The following RABIF variants were observed in gnomAD, a reference collection of about 807,000 sequenced individuals.
The protein encoded by RABIF is RAB interacting factor, also known as guanine nucleotide exchange factor MSS4.
In RABIF, 13 loss-of-function variants were observed where a neutral mutation model predicts 12.3. That is an observed-to-expected ratio of 1.06 (90% CI 0.69 to 1.68). The LOEUF is 1.68. Among genes scored for constraint, RABIF ranks in the 40% most tolerant of loss-of-function variants. The probability of loss-of-function intolerance (pLI) is 0.00; values close to 1 mark genes in which losing one functional copy is unlikely to be tolerated. For synonymous variants in RABIF, 70 were observed against 63.3 expected (o/e 1.11, Z -0.50); for missense variants, 153 against 158.0 (o/e 0.97, Z 0.17).
At chr1:202,886,366 T>C (rs376702884) in intron 1 of RABIF, among the ~76,000 whole-genome samples, 1 of 149,126 alleles carries the variant, frequency 6.7e-6, no homozygotes, top group East Asian at 2.0e-4. Context: ...GGGCAGAAGG[T>C]AGGTCCTGCC....
Position 202,882,043 on chromosome 1 carries a change from G to A in RABIF, c.127-820C>T, listed in dbSNP as rs538586190. Among the ~76,000 whole-genome samples, 174 of 152,292 alleles carry A rather than the reference G, an allele frequency of 1.1e-3. 2 individuals are homozygous for A. The highest frequency in any genetic ancestry group is 1.7e-3 in the Non-Finnish European group (116 of 68,030). ...ACATATTTTAAATGCACATTAGCTT[G>A]GGCAACATAATGAGACCTAGTCTCT... On this transcript the variant is annotated intron_variant, in intron 1 of 1. Coordinates refer to ENST00000367262, the MANE Select transcript of RABIF (RefSeq NM_002871.5).
intron 1 of RABIF, among the ~76,000 whole-genome samples, chr1:202,881,461 G>A (rs1304037626): frequency 2.0e-5 from 3 of 152,070 alleles, no homozygotes; most frequent in Non-Finnish European, 1.5e-5. Flanking sequence ...GAGTGCAGTG[G>A]CGCGATCTCA....
Position 202,879,172 on chromosome 1 carries a change from TTGTTGTTAC to T in RABIF, c.*1797_*1805del, listed in dbSNP as rs1659452602. The T allele has an allele frequency of 1.3e-5, 2 of 152,334 alleles. No individual in the cohort carries two copies. Among genetic ancestry groups the T allele is most frequent in the South Asian group, 4.1e-4 (2 of 4,830 alleles). 9.4% of individuals were successfully genotyped at this position (152,334 alleles called of 1,614,324 possible). A position where few individuals can be genotyped will look rare whatever the true frequency, so the allele number is the denominator to read the frequency against. On this transcript the variant is annotated 3_prime_UTR_variant, in exon 2 of 2. Transcript: ENST00000367262. ...CCTATTCAAGTCGCTATATATTTTT[TTGTTGTTAC>T]TGTTGTTGTTTGTTTGAGACAGGGT...
chr1:202,886,403 T>C (rs1472930013), intron 1 of RABIF, among the ~76,000 whole-genome samples: 1 of 151,684 alleles, frequency 6.6e-6, no homozygotes, highest in Non-Finnish European at 1.5e-5. Context: ...CTGGCCAACA[T>C]GCTGAAACCC....
At chr1:202,885,484 C>T (rs1659548380) in intron 1 of RABIF, among the ~76,000 whole-genome samples, 1 of 152,232 alleles carries the variant, frequency 6.6e-6, no homozygotes, top group Non-Finnish European at 1.5e-5. Context: ...GCTCCTTTAA[C>T]ACCTGCAGAG....
rs1659446918 is a variant in RABIF at position 202,878,799 on chromosome 1, C to T, written c.*2179G>A. On this transcript the variant is annotated 3_prime_UTR_variant, in exon 2 of 2. Transcript: ENST00000367262. ...CTGATTCACAAGTATGTACTGAGAG[C>T]CTATTAGGTGTGAGGGAAATGAAGA... Among the ~76,000 whole-genome samples the T allele has an allele frequency of 1.3e-5, 2 of 152,288 alleles. No individual in the cohort carries two copies. The highest frequency in any genetic ancestry group is 2.1e-4 in the South Asian group (1 of 4,822).
chr1:202,884,298 TA>T (rs1659529523), intron 1 of RABIF, among the ~76,000 whole-genome samples: 1 of 152,232 alleles, frequency 6.6e-6, no homozygotes, highest in Non-Finnish European at 1.5e-5. Flanking sequence ...CAGATGAGAA[TA>T]AAAACTGCTA....
In RABIF at chr1:202,889,021, G is replaced by A. The variant is rs780851327; in HGVS notation, c.78C>T (p.Cys26=). Residue 26 remains cysteine (C), a synonymous_variant, in exon 1 of 2, where the codon TGC becomes TGT. Transcript: ENST00000367262. ...RNRKAVLCQR[C]GSRVLQPGTA... is the part of the protein sequence containing the mutation. ...TCCCTGGCTGCAGCACCCGGGAGCCGCAACGCTGGCACAGCACCGCCTTCC... is the reference window on the plus strand; with the variant it reads ...TCCCTGGCTGCAGCACCCGGGAGCCACAACGCTGGCACAGCACCGCCTTCC... The A allele has an allele frequency of 2.2e-5, 35 of 1,603,236 alleles. No individual in the cohort carries two copies. Among genetic ancestry groups the A allele is most frequent in the Middle Eastern group, 1.7e-4 (1 of 6,004 alleles).
intron 1 of RABIF, among the ~76,000 whole-genome samples, chr1:202,887,247 A>G (rs981601449): frequency 6.6e-6 from 1 of 151,900 alleles, no homozygotes; most frequent in South Asian, 2.1e-4. Context: ...TCTTCATTTT[A>G]CAAGCTTGTC....
chr1:202,882,767 C>T (rs554669722), intron 1 of RABIF, among the ~76,000 whole-genome samples: 1 of 152,088 alleles, frequency 6.6e-6, no homozygotes, highest in African/African-American at 2.4e-5. Context: ...AATATCAGCT[C>T]CTGGAAAGCA....
chr1:202,881,566 T>A (rs1203964358), intron 1 of RABIF, among the ~76,000 whole-genome samples: 1 of 152,156 alleles, frequency 6.6e-6, no homozygotes, highest in Admixed American at 6.5e-5. Context: ...CACGCCTGGC[T>A]AATTTTTTGT....
intron 1 of RABIF, among the ~76,000 whole-genome samples, chr1:202,885,821 G>A (rs1013882317): frequency 1.3e-5 from 2 of 152,122 alleles, no homozygotes; most frequent in African/African-American, 4.8e-5. Flanking sequence ...AAAACAATTA[G>A]GACTGACAGT....
intron 1 of RABIF, among the ~76,000 whole-genome samples, chr1:202,885,423 C>A (rs1174746712): frequency 6.6e-6 from 1 of 152,202 alleles, no homozygotes; most frequent in Non-Finnish European, 1.5e-5. Context: ...AGCTGTAGGC[C>A]ACCTCTAGCC....
Position 202,880,910 on chromosome 1 carries a change from A to C in RABIF, c.*68T>G. On this transcript the variant is annotated 3_prime_UTR_variant, in exon 2 of 2. Coordinates refer to ENST00000367262, the MANE Select transcript of RABIF (RefSeq NM_002871.5). ...GAAGGCAGCGGAACAGTTATACCAC[A>C]TTAAAGGCCAGTTCTTGTGGGGAGT... 6.3e-7 allele frequency: 1 copy of C among 1,583,598 alleles called. No homozygotes were observed. The highest frequency in any genetic ancestry group is 1.7e-5 in the Admixed American group (1 of 57,372).
In RABIF at chr1:202,880,805, G is replaced by C. The variant is rs1195515609; in HGVS notation, c.*173C>G. On this transcript the variant is annotated 3_prime_UTR_variant, in exon 2 of 2. Coordinates refer to ENST00000367262, the MANE Select transcript of RABIF (RefSeq NM_002871.5). Reference sequence around the variant, plus strand: ...TGAACTAAGCAGGAGGCATGTACTTGAGGCTTTAGGAAGCAGGATTAACCC... The same window carrying C: ...TGAACTAAGCAGGAGGCATGTACTTCAGGCTTTAGGAAGCAGGATTAACCC... 7.1e-7 allele frequency: 1 copy of C among 1,410,268 alleles called. No homozygotes were observed. The highest frequency in any genetic ancestry group is 1.4e-5 in the African/African-American group (1 of 69,816). 87.4% of individuals were successfully genotyped at this position (1,410,268 alleles called of 1,614,324 possible).
At chr1:202,886,644 C>G (rs1216353826) in intron 1 of RABIF, among the ~76,000 whole-genome samples, 1 of 152,148 alleles carries the variant, frequency 6.6e-6, no homozygotes, top group Non-Finnish European at 1.5e-5. Flanking sequence ...TACCTGTAAT[C>G]CCACCACTTT....
chr1:202,889,042 CT>C lies in RABIF; in HGVS notation c.56del (p.Lys19ArgfsTer30). The C allele has an allele frequency of 1.2e-6, 2 of 1,610,716 alleles. No homozygotes were observed. Among genetic ancestry groups the C allele is most frequent in the South Asian group, 1.1e-5 (1 of 90,512 alleles). ...AGCCGCAACGCTGGCACAGCACCGCCTTCCGGTTTCGGCCCTCGGCTGACAC... is the reference window on the plus strand; with the variant it reads ...AGCCGCAACGCTGGCACAGCACCGCCTCCGGTTTCGGCCCTCGGCTGACAC... ...ELVSAEGRNR[K>X]AVLCQRCGSR... On this transcript the variant is annotated frameshift_variant, in exon 1 of 2. Transcript: ENST00000367262. LOFTEE classifies it high-confidence loss of function.
chr1:202,886,233 C>CG (rs59213992), intron 1 of RABIF, among the ~76,000 whole-genome samples: 105,075 of 130,940 alleles, frequency 0.8, 42,734 homozygotes, highest in East Asian at 0.89. Flanking sequence ...CAACGGGGAA[C>CG]GGGAACGGGG....
chr1:202,879,420 T>G lies in RABIF; in HGVS notation c.*1558A>C, dbSNP rs1368227231. On this transcript the variant is annotated 3_prime_UTR_variant, in exon 2 of 2. Transcript: ENST00000367262. ...CTAGTCTCAAACTCAATTTAAAAAA[T>G]GCTTAGCTTAGGTTCTGGCTTGTGA... The G allele has an allele frequency of 1.3e-5, 2 of 152,250 alleles. No homozygotes were observed. Among genetic ancestry groups the G allele is most frequent in the Non-Finnish European group, 2.9e-5 (2 of 68,050 alleles). 9.4% of individuals were successfully genotyped at this position (152,250 alleles called of 1,614,324 possible).
Sources: gnomAD v4.1 joint callset for allele counts (sites outside exome capture counted in the v4.1 genomes callset) on GRCh38, gnomAD v4.1.1 for gene constraint, MANE v1.5 for transcripts, NCBI Gene and HGNC (gene_info 2026-07-23, HGNC 2026-07-21) for gene names.